Variants in CISD2 observed in about 807,000 individuals in gnomAD.
The protein encoded by CISD2 is CDGSH iron sulfur domain 2, also known as CDGSH iron-sulfur domain-containing protein 2.
A neutral mutation model predicts 12.9 loss-of-function variants in CISD2; 1 was observed. The observed-to-expected ratio is 0.08, with a 90% CI of 0.03 to 0.37. The LOEUF (loss-of-function observed/expected upper bound fraction) is 0.37, where lower values mean the gene tolerates loss of function less well. Ranked by LOEUF, CISD2 falls within the 10% of genes least tolerant of loss-of-function variation. The probability of loss-of-function intolerance (pLI) is 0.99; values close to 1 mark genes in which losing one functional copy is unlikely to be tolerated. For synonymous variants in CISD2, 50 were observed against 60.6 expected (o/e 0.83, Z 0.81); for missense variants, 97 against 163.1 (o/e 0.59, Z 2.21).
chr4:102,884,953 T>G, intron 1 of CISD2: 3 of 420,726 alleles, frequency 7.1e-6, no homozygotes, highest in South Asian at 6.7e-5. Context: ...AGACTTGATG[T>G]AGACAATGAG....
chr4:102,874,175 C>T (rs578068570), intron 1 of CISD2, among the ~76,000 whole-genome samples: 1 of 151,724 alleles, frequency 6.6e-6, no homozygotes, highest in East Asian at 1.9e-4. Context: ...AAATCTTATC[C>T]TTTGCAGCAA....
At chr4:102,874,995 A>AT (rs1733560448) in intron 1 of CISD2, among the ~76,000 whole-genome samples, 1 of 152,210 alleles carries the variant, frequency 6.6e-6, no homozygotes, top group South Asian at 2.1e-4. Context: ...TAATATTCAA[A>AT]TATTTCAGTG....
intron 1 of CISD2, among the ~76,000 whole-genome samples, chr4:102,884,247 T>A (rs183817905): frequency 8.5e-4 from 130 of 152,356 alleles, no homozygotes; most frequent in African/African-American, 3.0e-3. Context: ...TATAGTTGTT[T>A]AAGCTAACAT....
intron 1 of CISD2, among the ~76,000 whole-genome samples, chr4:102,876,903 G>A (rs1733605249): frequency 6.6e-6 from 1 of 152,192 alleles, no homozygotes; most frequent in African/African-American, 2.4e-5. Flanking sequence ...GCTGGAGAGA[G>A]AAGAGTGAGG....
intron 2 of CISD2, among the ~76,000 whole-genome samples, chr4:102,886,763 T>TC (rs1733944511): frequency 9.8e-3 from 2 of 204 alleles, no homozygotes; most frequent in Admixed American, 0.083. Context: ...CACAGGCGTA[T>TC]GCACCACGCC....
rs973989607 is a variant in CISD2 at position 102,888,404 on chromosome 4, C to T, written c.*974C>T. 5.9e-5 allele frequency: 9 copies of T among 152,132 alleles called. No homozygotes were observed. The highest frequency in any genetic ancestry group is 1.7e-4 in the African/African-American group (7 of 41,404). 9.4% of individuals were successfully genotyped at this position (152,132 alleles called of 1,614,324 possible). On this transcript the variant is annotated 3_prime_UTR_variant, in exon 3 of 3. Coordinates refer to ENST00000273986, the MANE Select transcript of CISD2 (RefSeq NM_001008388.5). ...AAAGTTGGCCCTCCAGTTGACCCTC[C>T]GTACACATGAGTTTCACATCCCATG...
chr4:102,875,851 A>G (rs940415021), intron 1 of CISD2, among the ~76,000 whole-genome samples: 3 of 152,218 alleles, frequency 2.0e-5, no homozygotes, highest in African/African-American at 7.2e-5. Context: ...AATCCTATGA[A>G]GTTAGAAGAC....
intron 1 of CISD2, among the ~76,000 whole-genome samples, chr4:102,871,012 C>T (rs1019666563): frequency 3.9e-5 from 6 of 152,128 alleles, no homozygotes; most frequent in Non-Finnish European, 7.4e-5. Context: ...CATATTGTGA[C>T]TTTTGTACCC....
At chr4:102,887,295 G>C in intron 2 of CISD2, 46 bp from the exon 3 acceptor site, 1 of 1,111,404 alleles carries the variant, frequency 9.0e-7, no homozygotes, top group Admixed American at 1.7e-5. Context: ...TCTACCTAAT[G>C]AATCATATTT....
At chr4:102,872,380 T>C (rs1329486825) in intron 1 of CISD2, among the ~76,000 whole-genome samples, 2 of 152,138 alleles carry the variant, frequency 1.3e-5, no homozygotes, top group Non-Finnish European at 2.9e-5. Context: ...CTACCTTAGG[T>C]TTTAAGTGGT....
rs1426503161 is a variant in CISD2 at position 102,892,452 on chromosome 4, T to G, written c.*5022T>G. On this transcript the variant is annotated 3_prime_UTR_variant, in exon 3 of 3. Transcript: ENST00000273986. The stretch of plus-strand genomic sequence containing the variant: ...GTGTACAGCTTATATTATTAGCAAT[T>G]GTACTGTTTAATTTTATATTAGTTA... 6.6e-6 allele frequency: 1 copy of G among 152,216 alleles called. No homozygotes were observed. Among genetic ancestry groups the G allele is most frequent in the Non-Finnish European group, 1.5e-5 (1 of 68,046 alleles). The allele number at this position is 152,216 out of a possible 1,614,324, so 9.4% of individuals were successfully genotyped here. A position where few individuals can be genotyped will look rare whatever the true frequency, so the allele number is the denominator to read the frequency against.
intron 1 of CISD2, among the ~76,000 whole-genome samples, chr4:102,871,637 C>T (rs982040432): frequency 6.6e-6 from 1 of 152,122 alleles, no homozygotes; most frequent in South Asian, 2.1e-4. Flanking sequence ...CTCTCGGTCT[C>T]CCATTCTGAA....
rs1325534334 is a variant in CISD2, at chr4:102,888,985, A to G, written c.*1555A>G. ...GAATGTACAAGAGGCAGACAGAGGTAATCCTTCTAGAAATAAAACTAATTG... is the reference window on the plus strand; with the variant it reads ...GAATGTACAAGAGGCAGACAGAGGTGATCCTTCTAGAAATAAAACTAATTG... On this transcript the variant is annotated 3_prime_UTR_variant, in exon 3 of 3. Transcript: ENST00000273986. 1 of 152,260 alleles carries G rather than the reference A, an allele frequency of 6.6e-6. No individual in the cohort carries two copies. Among genetic ancestry groups the G allele is most frequent in the Admixed American group, 6.5e-5 (1 of 15,286 alleles). 9.4% of individuals were successfully genotyped at this position (152,260 alleles called of 1,614,324 possible).
In CISD2 at chr4:102,888,054, CTGTGTGTGTGTGTG is replaced by C. The variant is rs35045951; in HGVS notation, c.*640_*653del. On this transcript the variant is annotated 3_prime_UTR_variant, in exon 3 of 3. Transcript: ENST00000273986. ...TGTTTACTTTACAAAAGGCTTGTGTCTGTGTGTGTGTGTGTGTGTGTGTGTGTGTATTTTAAACT... is the reference window on the plus strand; with the variant it reads ...TGTTTACTTTACAAAAGGCTTGTGTCTGTGTGTGTGTGTGTATTTTAAACT... 16 of 148,188 alleles carry C rather than the reference CTGTGTGTGTGTGTG, an allele frequency of 1.1e-4. No homozygotes were observed. Among genetic ancestry groups the C allele is most frequent in the African/African-American group, 4.0e-4 (16 of 39,940 alleles). The allele number at this position is 148,188 out of a possible 1,614,324, so 9.2% of individuals were successfully genotyped here.
intron 1 of CISD2, among the ~76,000 whole-genome samples, chr4:102,875,694 G>T (rs1358029795): frequency 6.6e-6 from 1 of 152,152 alleles, no homozygotes; most frequent in African/African-American, 2.4e-5. Flanking sequence ...TCTGTTAAAG[G>T]GTAGGGAGTT....
chr4:102,869,673 A>G (rs1015443434), intron 1 of CISD2, among the ~76,000 whole-genome samples: 1 of 152,148 alleles, frequency 6.6e-6, no homozygotes, highest in African/African-American at 2.4e-5. Flanking sequence ...TGACCGTTTT[A>G]TTTAGTAACG....
At chr4:102,878,836 C>T (rs1322473610) in intron 1 of CISD2, among the ~76,000 whole-genome samples, 2 of 152,146 alleles carry the variant, frequency 1.3e-5, no homozygotes, top group Admixed American at 1.3e-4. Context: ...TAGCAGTACC[C>T]AACTCTCTGT....
At chr4:102,872,995 G>A (rs1733497764) in intron 1 of CISD2, among the ~76,000 whole-genome samples, 1 of 152,142 alleles carries the variant, frequency 6.6e-6, no homozygotes, top group Non-Finnish European at 1.5e-5. Context: ...AAGGCGAAGG[G>A]GAAACAAGGC....
intron 1 of CISD2, chr4:102,869,513 G>T (rs1361747728): frequency 1.4e-6 from 1 of 702,592 alleles, no homozygotes; most frequent in South Asian, 1.5e-5. Flanking sequence ...ATCGCTCTCT[G>T]TAGCGTACTT....
Sources: allele counts gnomAD v4.1 joint callset (sites outside exome capture counted in the v4.1 genomes callset), GRCh38; gene constraint gnomAD v4.1.1; transcripts MANE v1.5; gene names NCBI Gene and HGNC (gene_info 2026-07-23, HGNC 2026-07-21).